Variants in ITIH5 observed in about 807,000 individuals in gnomAD.
ITIH5 encodes the protein inter-alpha-trypsin inhibitor heavy chain H5.
In ITIH5, 65 loss-of-function variants were observed where a neutral mutation model predicts 77.5. The ratio of observed to expected loss-of-function variants is 0.84; its 90% confidence interval spans 0.69 to 1.03. The LOEUF (loss-of-function observed/expected upper bound fraction) is 1.03, where lower values mean the gene tolerates loss of function less well. Ranked by LOEUF, ITIH5 falls within the 50% of genes least tolerant of loss-of-function variation. The pLI is 0.00. For missense variants in ITIH5, 1,208 were observed against 1,213.1 expected (o/e 1.00, Z 0.06); for synonymous variants, 525 against 494.3 (o/e 1.06, Z -0.82).
chr10:7,587,959 C>G (rs558511851), intron 7 of ITIH5, among the ~76,000 whole-genome samples: 1 of 152,350 alleles, frequency 6.6e-6, no homozygotes, highest in African/African-American at 2.4e-5. Context: ...GGAATTTTCT[C>G]TCTTCCTCAC....
intron 2 of ITIH5, among the ~76,000 whole-genome samples, chr10:7,644,568 TATATATCA>T (rs1564277582): frequency 5.0e-5 from 3 of 59,768 alleles, no homozygotes; most frequent in South Asian, 5.7e-4. Flanking sequence ...ATATATATGA[TATATATCA>T]CATATATCAC....
At chr10:7,594,177 G>C (rs994938947) in intron 7 of ITIH5, among the ~76,000 whole-genome samples, 3 of 152,216 alleles carry the variant, frequency 2.0e-5, no homozygotes, top group African/African-American at 7.2e-5. Flanking sequence ...GAGGAAAAGG[G>C]AACATCACTT....
intron 2 of ITIH5, among the ~76,000 whole-genome samples, chr10:7,653,375 T>G (rs1834131562): frequency 6.6e-6 from 1 of 151,996 alleles, no homozygotes; most frequent in African/African-American, 2.4e-5. Flanking sequence ...CTTGGCAAAT[T>G]TTTGTATTTT....
intron 10 of ITIH5, 53 bp downstream of exon 10, chr10:7,576,400 G>C: frequency 7.1e-7 from 1 of 1,403,614 alleles, no homozygotes; most frequent in South Asian, 1.4e-5. Context: ...GAGGAGGTGA[G>C]TGGTATCTCA....
intron 1 of ITIH5, among the ~76,000 whole-genome samples, chr10:7,664,485 A>T (rs1033332912): frequency 4.6e-5 from 7 of 152,098 alleles, no homozygotes; most frequent in African/African-American, 1.7e-4. Context: ...ATGGATCTAA[A>T]CCAATGGAAG....
At chr10:7,588,377 G>A (rs1202443474) in intron 7 of ITIH5, among the ~76,000 whole-genome samples, 1 of 152,190 alleles carries the variant, frequency 6.6e-6, no homozygotes, top group Non-Finnish European at 1.5e-5. Context: ...AAAATTAGCT[G>A]GGCGTGGTGG....
chr10:7,656,790 C>CTGGAG (rs1834191306), intron 1 of ITIH5, among the ~76,000 whole-genome samples: 2 of 143,268 alleles, frequency 1.4e-5, no homozygotes, highest in Non-Finnish European at 3.0e-5. Flanking sequence ...GTTGCCCAGG[C>CTGGAG]TGGAGTGCTG....
chr10:7,640,071 C>A (rs1833857780), intron 4 of ITIH5, among the ~76,000 whole-genome samples: 1 of 135,622 alleles, frequency 7.4e-6, no homozygotes, highest in African/African-American at 2.8e-5. Flanking sequence ...AAAGAGTCAA[C>A]AGATAATGTC....
intron 12 of ITIH5, among the ~76,000 whole-genome samples, chr10:7,567,163 A>C (rs1169716926): frequency 6.6e-6 from 1 of 151,950 alleles, no homozygotes; most frequent in African/African-American, 2.4e-5. Context: ...AAGATATCGT[A>C]GATGGAGGCA....
chr10:7,586,368 C>A (rs1832680444), intron 7 of ITIH5, among the ~76,000 whole-genome samples: 1 of 152,212 alleles, frequency 6.6e-6, no homozygotes, highest in African/African-American at 2.4e-5. Context: ...TTCTTCCCCA[C>A]CACCCTACCT....
intron 2 of ITIH5, among the ~76,000 whole-genome samples, chr10:7,647,993 C>T (rs1834032688): frequency 6.6e-6 from 1 of 151,886 alleles, no homozygotes; most frequent in Non-Finnish European, 1.5e-5. Context: ...CCTGTAATCC[C>T]AGCACTTTAG....
At chr10:7,604,829 A>AT (rs56006294) in intron 7 of ITIH5, among the ~76,000 whole-genome samples, 147,523 of 152,096 alleles carry the variant, frequency 0.97, 71,645 homozygotes, top group Non-Finnish European at 1. Flanking sequence ...AGATTGTTTC[A>AT]TTTTTTCTTC....
rs1399284307 is a variant in ITIH5 at position 7,637,277 on chromosome 10, C to A, written c.603G>T (p.Glu201Asp). Reference sequence around the variant, plus strand: ...GCCTGCTGTTGTGAAGCGGCAGCACCTCCAGGGATGCGATGCCCGCGCTCT... The same window carrying A: ...GCCTGCTGTTGTGAAGCGGCAGCACATCCAGGGATGCGATGCCCGCGCTCT... ...ILESAGIASL[E>D]VLPLHNSRQR... Residue 201 changes from glutamate (E) to aspartate (D), a missense_variant, in exon 5 of 14, where the codon GAG (glutamate) becomes GAT (aspartate). Glu to Asp is a conservative substitution (Grantham distance 45). Transcript: ENST00000397146. 4.3e-6 allele frequency: 7 copies of A among 1,611,962 alleles called. No homozygotes were observed. The highest frequency in any genetic ancestry group is 5.9e-6 in the Non-Finnish European group (7 of 1,180,020).
intron 7 of ITIH5, among the ~76,000 whole-genome samples, chr10:7,587,096 C>T (rs1832694759): frequency 6.6e-6 from 1 of 152,182 alleles, no homozygotes; most frequent in South Asian, 2.1e-4. Flanking sequence ...TCCCAAAGTG[C>T]TAGGATTACA....
At chr10:7,579,543 T>A (rs957300632) in intron 9 of ITIH5, among the ~76,000 whole-genome samples, 2 of 150,154 alleles carry the variant, frequency 1.3e-5, no homozygotes, top group Non-Finnish European at 3.0e-5. Context: ...AAAAAAAAAA[T>A]CTTGCCTAAA....
chr10:7,644,642 A>ATCATATATATC (rs1833960099), intron 2 of ITIH5, among the ~76,000 whole-genome samples: 2 of 82,186 alleles, frequency 2.4e-5, no homozygotes, highest in African/African-American at 7.4e-5. Context: ...TCACATATAT[A>ATCATATATATC]TCATATATAT....
intron 8 of ITIH5, among the ~76,000 whole-genome samples, chr10:7,584,310 CTTT>C (rs148774385): frequency 2.4e-5 from 3 of 127,186 alleles, no homozygotes; most frequent in African/African-American, 5.9e-5. Context: ...TTTTTTTTTT[CTTT>C]TTTTTTTTTT....
At chr10:7,666,707 C>G in intron 1 of ITIH5, 96 bp downstream of exon 1, 1 of 925,876 alleles carries the variant, frequency 1.1e-6, no homozygotes, top group South Asian at 1.6e-5. Flanking sequence ...GCCTGGGAGA[C>G]GGTCGAAGGG....
At chr10:7,587,348 C>T (rs932644955) in intron 7 of ITIH5, among the ~76,000 whole-genome samples, 1 of 152,160 alleles carries the variant, frequency 6.6e-6, no homozygotes, top group African/African-American at 2.4e-5. Context: ...CTCTGTCTTC[C>T]CAAGCAGCAC....
Sources: gnomAD v4.1 joint callset for allele counts (sites outside exome capture counted in the v4.1 genomes callset) on GRCh38, gnomAD v4.1.1 for gene constraint, MANE v1.5 for transcripts, NCBI Gene and HGNC (gene_info 2026-07-23, HGNC 2026-07-21) for gene names.